SLC35F4: variants seen among roughly 807,000 people sequenced by gnomAD.
SLC35F4 encodes solute carrier family 35 member F4, also known as chromosome 14 open reading frame 36.
In SLC35F4, 24 loss-of-function variants were observed where a neutral mutation model predicts 44.2. That is an observed-to-expected ratio of 0.54 (90% CI 0.39 to 0.76). The LOEUF (loss-of-function observed/expected upper bound fraction) is 0.76. Among genes scored for constraint, SLC35F4 ranks in the 30% least tolerant of loss-of-function variants. The pLI is 0.00. For missense variants in SLC35F4, 562 were observed against 586.1 expected (o/e 0.96, Z 0.42); for synonymous variants, 238 against 223.6 (o/e 1.06, Z -0.57).
chr14:57,829,710 C>T (rs1833983187), intron 1 of SLC35F4, among the ~76,000 whole-genome samples: 1 of 152,158 alleles, frequency 6.6e-6, no homozygotes, highest in African/African-American at 2.4e-5. Context: ...TGAGACCAAT[C>T]GCTACTGCAA....
chr14:57,777,835 A>G (rs2077526155), intron 1 of SLC35F4, among the ~76,000 whole-genome samples: 1 of 150,720 alleles, frequency 6.6e-6, no homozygotes, highest in Non-Finnish European at 1.5e-5. Flanking sequence ...GGCAAGACCC[A>G]ATGGTATGCC....
intron 1 of SLC35F4, among the ~76,000 whole-genome samples, chr14:57,697,686 G>C (rs2075421870): frequency 8.3e-6 from 1 of 119,846 alleles, no homozygotes. Context: ...GGGTGACAGA[G>C]TGAGACCCTG....
chr14:57,809,661 G>A (rs994747451), intron 1 of SLC35F4, among the ~76,000 whole-genome samples: 1 of 152,160 alleles, frequency 6.6e-6, no homozygotes, highest in African/African-American at 2.4e-5. Context: ...TACAGCAAAT[G>A]CTTAACTCTT....
At chr14:57,741,434 G>A (rs1282630405) in intron 1 of SLC35F4, among the ~76,000 whole-genome samples, 5 of 152,118 alleles carry the variant, frequency 3.3e-5, no homozygotes, top group South Asian at 2.1e-4. Context: ...CGAGAACTAC[G>A]TGACACATGC....
chr14:57,764,409 C>A (rs1175718883), intron 1 of SLC35F4, among the ~76,000 whole-genome samples: 1 of 152,212 alleles, frequency 6.6e-6, no homozygotes, highest in African/African-American at 2.4e-5. Context: ...CTAGCTGTTT[C>A]AAACTGCCAA....
chr14:57,683,060 T>A (rs1247928838), intron 1 of SLC35F4, among the ~76,000 whole-genome samples: 1 of 148,068 alleles, frequency 6.8e-6, no homozygotes, highest in Non-Finnish European at 1.5e-5. Flanking sequence ...AAAAAATTAA[T>A]CTCAAGTATT....
chr14:57,616,214 T>C (rs1419574941), intron 1 of SLC35F4, among the ~76,000 whole-genome samples: 1 of 152,224 alleles, frequency 6.6e-6, no homozygotes, highest in African/African-American at 2.4e-5. Context: ...TATTCTCTTA[T>C]TTTAATAGTA....
intron 1 of SLC35F4, among the ~76,000 whole-genome samples, chr14:57,615,177 A>G (rs552688385): frequency 5.9e-5 from 9 of 152,276 alleles, no homozygotes; most frequent in South Asian, 4.1e-4. Context: ...CTCCTTTAAA[A>G]TGTGTCTTTC....
intron 1 of SLC35F4, among the ~76,000 whole-genome samples, chr14:57,967,187 A>G (rs1197001523): frequency 3.3e-5 from 5 of 152,146 alleles, no homozygotes; most frequent in African/African-American, 1.2e-4. Flanking sequence ...TAATCCAATC[A>G]TTAGGTAGCC....
intron 1 of SLC35F4, among the ~76,000 whole-genome samples, chr14:57,957,035 T>C (rs7161193): frequency 6.6e-6 from 1 of 152,014 alleles, no homozygotes; most frequent in Non-Finnish European, 1.5e-5. Flanking sequence ...GACTTGGAAC[T>C]AACCCAAACG....
At chr14:57,860,353 T>C (rs552884986) in intron 1 of SLC35F4, among the ~76,000 whole-genome samples, 1 of 152,252 alleles carries the variant, frequency 6.6e-6, no homozygotes, top group African/African-American at 2.4e-5. Flanking sequence ...GAGGCAACTG[T>C]TTACCAAAGG....
intron 3 of SLC35F4, among the ~76,000 whole-genome samples, 151 bp from the exon 4 acceptor site, chr14:57,581,584 G>A (rs887013198): frequency 7.2e-5 from 11 of 152,188 alleles, no homozygotes; most frequent in East Asian, 5.8e-4. Flanking sequence ...TGAAATCTGC[G>A]GGCTTCAGGG....
intron 1 of SLC35F4, among the ~76,000 whole-genome samples, chr14:57,878,467 C>A (rs1888449083): frequency 6.6e-6 from 1 of 152,140 alleles, no homozygotes; most frequent in Non-Finnish European, 1.5e-5. Flanking sequence ...CATCTCCAAC[C>A]TCAACTCTGT....
chr14:57,694,912 A>G lies in SLC35F4; in HGVS notation c.104-100788T>C, dbSNP rs545219977. 3.5e-4 allele frequency among the ~76,000 whole-genome samples: 54 copies of G among 152,308 alleles called. 1 individual carries two copies. The highest frequency in any genetic ancestry group is 2.1e-4 in the South Asian group (1 of 4,824). The stretch of plus-strand genomic sequence containing the variant: ...TTGATAAATTCTCATATTAATTTAA[A>G]ACTCCTCTGTAAGTTCTTTTGGATT... On this transcript the variant is annotated intron_variant, in intron 1 of 7. Coordinates refer to ENST00000556826, the MANE Select transcript of SLC35F4 (RefSeq NM_001306087.2).
intron 1 of SLC35F4, among the ~76,000 whole-genome samples, chr14:57,845,279 C>G (rs1197162548): frequency 6.6e-6 from 1 of 152,202 alleles, no homozygotes; most frequent in Non-Finnish European, 1.5e-5. Flanking sequence ...TGCCCTGACA[C>G]CTGGTAGCTA....
At chr14:57,756,478 C>T (rs1277878366) in intron 1 of SLC35F4, among the ~76,000 whole-genome samples, 2 of 151,916 alleles carry the variant, frequency 1.3e-5, no homozygotes, top group African/African-American at 2.4e-5. Context: ...ACATTTCAGA[C>T]TTATTTTTAT....
intron 6 of SLC35F4, among the ~76,000 whole-genome samples, chr14:57,568,024 A>G (rs559004510): frequency 3.3e-5 from 5 of 152,286 alleles, no homozygotes; most frequent in Admixed American, 2.6e-4. Context: ...GAAGAGAGGG[A>G]CGGCAATAAA....
intron 1 of SLC35F4, among the ~76,000 whole-genome samples, chr14:57,652,078 A>G (rs930651565): frequency 6.6e-6 from 1 of 152,222 alleles, no homozygotes; most frequent in African/African-American, 2.4e-5. Flanking sequence ...CATCCTGGCA[A>G]CAGGCAGTCA....
chr14:57,750,100 CA>C lies in SLC35F4; in HGVS notation c.103+115622del, dbSNP rs1235761431. Among the ~76,000 whole-genome samples the C allele has an allele frequency of 1.1e-3, 171 of 152,224 alleles. 1 individual carries two copies. Among genetic ancestry groups the C allele is most frequent in the African/African-American group, 3.9e-3 (162 of 41,544 alleles). On this transcript the variant is annotated intron_variant, in intron 1 of 7. Coordinates refer to ENST00000556826, the MANE Select transcript of SLC35F4 (RefSeq NM_001306087.2). Reference sequence around the variant, plus strand: ...ATCCCACTCTCTATGGCCATATGTACACATTTTTAGCACCCACTTAAGAGTG... The same window carrying C: ...ATCCCACTCTCTATGGCCATATGTACCATTTTTAGCACCCACTTAAGAGTG...
Sources: gnomAD v4.1 joint callset for allele counts (sites outside exome capture counted in the v4.1 genomes callset) on GRCh38, gnomAD v4.1.1 for gene constraint, MANE v1.5 for transcripts, NCBI Gene and HGNC (gene_info 2026-07-23, HGNC 2026-07-21) for gene names.